Variants in BNC2 observed in about 807,000 individuals in gnomAD.
BNC2 encodes zinc finger protein basonuclin-2.
BNC2 carries 20 observed loss-of-function variants against 76.3 expected under a neutral mutation model. The ratio of observed to expected loss-of-function variants is 0.26; its 90% CI spans 0.18 to 0.38. The LOEUF is 0.38. Among genes scored for constraint, BNC2 ranks in the 10% least tolerant of loss-of-function variants. The pLI is 1.00. For synonymous variants in BNC2, 582 were observed against 514.8 expected (o/e 1.13, Z -1.77); for missense variants, 1,382 against 1,399.8 (o/e 0.99, Z 0.20).
chr9:16,504,866 CAAA>C (rs1279894634), intron 5 of BNC2, among the ~76,000 whole-genome samples: 1 of 152,110 alleles, frequency 6.6e-6, no homozygotes, highest in Non-Finnish European at 1.5e-5. Context: ...TCTTAAAAAA[CAAA>C]AAACCCCACA....
intron 3 of BNC2, among the ~76,000 whole-genome samples, chr9:16,644,160 T>G (rs1280127834): frequency 6.6e-6 from 1 of 152,132 alleles, no homozygotes; most frequent in Non-Finnish European, 1.5e-5. Context: ...TTCCTATACA[T>G]ACCAAATCAA....
chr9:16,547,888 T>C (rs1818536810), intron 5 of BNC2, among the ~76,000 whole-genome samples: 1 of 152,198 alleles, frequency 6.6e-6, no homozygotes, highest in Admixed American at 6.5e-5. Flanking sequence ...GCCTGTGTTA[T>C]ACTAATGAGT....
At chr9:16,823,438 A>AT (rs1186510873) in intron 1 of BNC2, among the ~76,000 whole-genome samples, 1 of 150,852 alleles carries the variant, frequency 6.6e-6, no homozygotes. Flanking sequence ...AAAAAAAAAA[A>AT]AAAAAAATTA....
chr9:16,675,824 C>A (rs1054359502), intron 3 of BNC2, among the ~76,000 whole-genome samples: 2 of 152,080 alleles, frequency 1.3e-5, no homozygotes, highest in Non-Finnish European at 2.9e-5. Flanking sequence ...CGAGGCAGAT[C>A]GATCACTTGA....
At chr9:16,676,437 T>G (rs2134236428) in intron 3 of BNC2, among the ~76,000 whole-genome samples, 1 of 152,376 alleles carries the variant, frequency 6.6e-6, no homozygotes, top group East Asian at 1.9e-4. Context: ...ATGAAGCTGC[T>G]ATGGCTTAGG....
chr9:16,866,390 T>C (rs537719324), intron 1 of BNC2, among the ~76,000 whole-genome samples: 83 of 152,118 alleles, frequency 5.5e-4, no homozygotes, highest in Non-Finnish European at 1.1e-3. Flanking sequence ...GAAAAGGGGT[T>C]GTCCTTCATA....
At chr9:16,420,127 G>T (rs929913398) in intron 6 of BNC2, among the ~76,000 whole-genome samples, 7 of 152,090 alleles carry the variant, frequency 4.6e-5, no homozygotes, top group African/African-American at 1.7e-4. Flanking sequence ...TTATTTTGAG[G>T]TATAGAAAAA....
intron 3 of BNC2, among the ~76,000 whole-genome samples, chr9:16,725,029 A>C (rs1163875235): frequency 1.3e-5 from 2 of 152,164 alleles, no homozygotes; most frequent in African/African-American, 4.8e-5. Flanking sequence ...AAATAAAATA[A>C]TCATAATCTA....
At chr9:16,674,213 C>A (rs1267046433) in intron 3 of BNC2, among the ~76,000 whole-genome samples, 1 of 152,174 alleles carries the variant, frequency 6.6e-6, no homozygotes, top group Non-Finnish European at 1.5e-5. Flanking sequence ...CAGTGAGGGT[C>A]TGGATAAAAT....
At chr9:16,509,194 C>T (rs971842497) in intron 5 of BNC2, among the ~76,000 whole-genome samples, 1 of 152,134 alleles carries the variant, frequency 6.6e-6, no homozygotes, top group East Asian at 1.9e-4. Flanking sequence ...TATCTAGGCA[C>T]AAGTCTCACC....
At chr9:16,676,544 C>A (rs556889710) in intron 3 of BNC2, among the ~76,000 whole-genome samples, 3 of 152,304 alleles carry the variant, frequency 2.0e-5, no homozygotes, top group Non-Finnish European at 1.5e-5. Context: ...TGTCCAAAAT[C>A]TAGGTAACAT....
chr9:16,591,844 G>T (rs1439215427), intron 3 of BNC2, among the ~76,000 whole-genome samples: 4 of 152,072 alleles, frequency 2.6e-5, no homozygotes, highest in Non-Finnish European at 5.9e-5. Flanking sequence ...TTCAAAGAAA[G>T]GTCCTTACAT....
chr9:16,737,064 C>T lies in BNC2; in HGVS notation c.129+1296G>A, dbSNP rs953385713. On this transcript the variant is annotated intron_variant, in intron 2 of 6. Transcript: ENST00000380672. ...CAGGAGATCCACCTGCCTCAGCCTCCCAAAGTGCTGGGATTACAGGCGAGA... is the reference window on the plus strand; with the variant it reads ...CAGGAGATCCACCTGCCTCAGCCTCTCAAAGTGCTGGGATTACAGGCGAGA... 4.3e-4 allele frequency among the ~76,000 whole-genome samples: 65 copies of T among 152,080 alleles called. 1 individual carries two copies. The highest frequency in any genetic ancestry group is 1.2e-3 in the South Asian group (6 of 4,824).
At chr9:16,721,380 T>C (rs1245666317) in intron 3 of BNC2, among the ~76,000 whole-genome samples, 1 of 152,166 alleles carries the variant, frequency 6.6e-6, no homozygotes, top group African/African-American at 2.4e-5. Flanking sequence ...TTTGACTCCC[T>C]TTCTCCTGTC....
In BNC2 at chr9:16,416,205, G is replaced by C. The variant is rs1013844686; in HGVS notation, c.*2784C>G. 3 of 152,258 alleles carry C rather than the reference G, an allele frequency of 2.0e-5. No individual in the cohort carries two copies. Among genetic ancestry groups the C allele is most frequent in the South Asian group, 2.1e-4 (1 of 4,828 alleles). The allele number at this position is 152,258 out of a possible 1,614,324, so 9.4% of individuals were successfully genotyped here. On this transcript the variant is annotated 3_prime_UTR_variant, in exon 7 of 7. Coordinates refer to ENST00000380672, the MANE Select transcript of BNC2 (RefSeq NM_017637.6). ...CAAGATGAGTTCTAGTAACTCAACT[G>C]AGTGTAACTTTTCAAAGTTGCTGAA...
intron 5 of BNC2, among the ~76,000 whole-genome samples, chr9:16,519,315 T>C (rs1301106156): frequency 6.6e-6 from 1 of 152,188 alleles, no homozygotes; most frequent in Non-Finnish European, 1.5e-5. Context: ...CCTAGTTGAA[T>C]GGATCAAGGG....
intron 3 of BNC2, among the ~76,000 whole-genome samples, chr9:16,620,065 G>A (rs570539519): frequency 6.6e-6 from 1 of 152,240 alleles, no homozygotes; most frequent in South Asian, 2.1e-4. Context: ...CTTTGTAATA[G>A]ACAACTAATT....
intron 4 of BNC2, among the ~76,000 whole-genome samples, chr9:16,562,857 A>G (rs1446096242): frequency 6.6e-6 from 1 of 152,228 alleles, no homozygotes; most frequent in African/African-American, 2.4e-5. Flanking sequence ...AATAAGTTAT[A>G]TATTATAGTA....
intron 1 of BNC2, among the ~76,000 whole-genome samples, chr9:16,740,078 C>A (rs1824797530): frequency 6.6e-6 from 1 of 152,190 alleles, no homozygotes; most frequent in Admixed American, 6.5e-5. Flanking sequence ...GGGGAAAAGA[C>A]AGAAGGAACA....
Sources: gnomAD v4.1 joint callset for allele counts (sites outside exome capture counted in the v4.1 genomes callset) on GRCh38, gnomAD v4.1.1 for gene constraint, MANE v1.5 for transcripts, NCBI Gene and HGNC (gene_info 2026-07-23, HGNC 2026-07-21) for gene names.